IL16: variants seen among roughly 807,000 people sequenced by gnomAD.
IL16 encodes the protein pro-interleukin-16.
A neutral mutation model predicts 110.1 loss-of-function variants in IL16; 67 were observed. The observed-to-expected ratio is 0.61, with a 90% CI of 0.50 to 0.75. The LOEUF (loss-of-function observed/expected upper bound fraction) is 0.75. IL16 is among the 30% of genes least tolerant of loss of function. The pLI is 0.00. For missense variants in IL16, 1,545 were observed against 1,655.0 expected, an observed-to-expected ratio of 0.93 and a Z score of 1.15; for synonymous variants, 689 against 662.9, an observed-to-expected ratio of 1.04 and a Z score of -0.61.
At chr15:81,265,485 A>G (rs541498044) in intron 3 of IL16, among the ~76,000 whole-genome samples, 174 bp from the exon 4 acceptor site, 2 of 152,198 alleles carry the variant, frequency 1.3e-5, no homozygotes, top group East Asian at 3.9e-4. Flanking sequence ...GATCATGACA[A>G]TGCTGCTCAT....
At chr15:81,253,412 A>G (rs1897836789) in intron 2 of IL16, among the ~76,000 whole-genome samples, 1 of 152,010 alleles carries the variant, frequency 6.6e-6, no homozygotes, top group African/African-American at 2.4e-5. Context: ...TATTTTCTCC[A>G]TTTCTGTAGG....
At chr15:81,217,903 C>T (rs564200780) in intron 1 of IL16, among the ~76,000 whole-genome samples, 4 of 152,192 alleles carry the variant, frequency 2.6e-5, no homozygotes, top group East Asian at 3.9e-4. Flanking sequence ...AATTATGTCT[C>T]AATATATCGG....
chr15:81,251,832 A>T (rs1009925560), intron 2 of IL16, among the ~76,000 whole-genome samples: 1 of 152,212 alleles, frequency 6.6e-6, no homozygotes, highest in African/African-American at 2.4e-5. Context: ...GGAAAAAAAT[A>T]GCCAATTATT....
rs778708542 is a variant in IL16 at position 81,300,035 on chromosome 15, A to G, written c.2709A>G (p.Val903=). ...PTLVPQQPEQ[V]LSSGSPAASE... is the part of the protein sequence containing the mutation. ...TTGTGCCCCAGCAGCCTGAGCAAGTACTGTCCTCGGGGTCCCCTGCAGCCT... is the reference window on the plus strand; with the variant it reads ...TTGTGCCCCAGCAGCCTGAGCAAGTGCTGTCCTCGGGGTCCCCTGCAGCCT... The change falls in exon 14 of 19, where the codon GTA becomes GTG. Residue 903 remains valine (V), a synonymous_variant. Transcript: ENST00000683961. The G allele has an allele frequency of 6.4e-7, 1 of 1,572,882 alleles. No individual in the cohort carries two copies. Among genetic ancestry groups the G allele is most frequent in the Non-Finnish European group, 8.6e-7 (1 of 1,160,250 alleles).
chr15:81,220,923 T>C (rs1181752982), intron 1 of IL16, among the ~76,000 whole-genome samples: 1 of 152,214 alleles, frequency 6.6e-6, no homozygotes. Flanking sequence ...GAACTATCCA[T>C]TTCTTTTCAA....
In IL16 at chr15:81,303,015, ATG is replaced by A. The variant is rs34522610; in HGVS notation, c.3319-506_3319-505del. ...GTCTAGGCTAGGAAGTACCGTAGTA[ATG>A]TGTGTGTGTGTGTGTGTGTGTGTGT... On this transcript the variant is annotated intron_variant, in intron 15 of 18. Coordinates refer to ENST00000683961, the MANE Select transcript of IL16 (RefSeq NM_172217.5). The surrounding 1 kb of genome is among the most constrained non-coding windows in gnomAD (Gnocchi z 4.1). Among the ~76,000 whole-genome samples, 1,323 of 150,076 alleles carry A rather than the reference ATG, an allele frequency of 8.8e-3. 7 individuals carry two copies. Among genetic ancestry groups the A allele is most frequent in the Middle Eastern group, 0.027 (8 of 292 alleles).
chr15:81,253,455 A>T (rs1185620405), intron 2 of IL16, among the ~76,000 whole-genome samples: 3 of 152,066 alleles, frequency 2.0e-5, no homozygotes, highest in Non-Finnish European at 4.4e-5. Context: ...GTGTCCTTTG[A>T]GGCACAAAAG....
intron 1 of IL16, among the ~76,000 whole-genome samples, chr15:81,208,776 A>G (rs536561466): frequency 1.3e-5 from 2 of 152,326 alleles, no homozygotes; most frequent in East Asian, 1.9e-4. Flanking sequence ...CTGAAGGGCA[A>G]TATGGCACAG....
chr15:81,268,313 C>T (rs1394479069), intron 4 of IL16, among the ~76,000 whole-genome samples: 2 of 102,088 alleles, frequency 2.0e-5, no homozygotes, highest in Admixed American at 1.7e-4. Context: ...GCCTTCCAGG[C>T]ATGAGGCGAT....
At chr15:81,262,990 A>ACTTAG (rs1183646057) in intron 3 of IL16, among the ~76,000 whole-genome samples, 1 of 152,176 alleles carries the variant, frequency 6.6e-6, no homozygotes, top group African/African-American at 2.4e-5. Context: ...ATTTATTTTT[A>ACTTAG]CTTAGCTCTT....
chr15:81,247,070 CTTTTCCTTT>C (rs1455574671), intron 2 of IL16, among the ~76,000 whole-genome samples: 45 of 107,580 alleles, frequency 4.2e-4, no homozygotes, highest in Admixed American at 1.3e-3. Flanking sequence ...TCTTTCTTTT[CTTTTCCTTT>C]TTTTTTTTTT....
Position 81,282,584 on chromosome 15 carries a change from G to GC in IL16, c.1082-50dup. 3 of 1,305,524 alleles carry GC rather than the reference G, an allele frequency of 2.3e-6. No homozygotes were observed. In the South Asian group the frequency reaches 3.5e-5, roughly 15 times the overall value. The allele number at this position is 1,305,524 out of a possible 1,614,324, so 80.9% of individuals were successfully genotyped here. A position where few individuals can be genotyped will look rare whatever the true frequency, so the allele number is the denominator to read the frequency against. On this transcript the variant is annotated intron_variant, in intron 8 of 18. Transcript: ENST00000683961. ...TCTGTGGCACCCAATCGACGAGTAG[G>GC]CCCCCTGGGAAAGCTCAGTCCCGGT... is the stretch of plus-strand genomic sequence containing the variant.
At chr15:81,192,437 C>CA (rs961140334), upstream of IL16, among the ~76,000 whole-genome samples, 9 of 148,428 alleles carry the variant, frequency 6.1e-5, no homozygotes, top group South Asian at 2.2e-4. Flanking sequence ...CGTGTCTCTA[C>CA]AAAAAAAAAG....
chr15:81,294,061 C>T (rs77467933), intron 12 of IL16, among the ~76,000 whole-genome samples: 1 of 152,318 alleles, frequency 6.6e-6, no homozygotes, highest in South Asian at 2.1e-4. Context: ...TTAAGCACAC[C>T]GTGGGCAGGT....
At chr15:81,276,728 C>A (rs537566770) in intron 6 of IL16, among the ~76,000 whole-genome samples, 1 of 152,274 alleles carries the variant, frequency 6.6e-6, no homozygotes, top group East Asian at 1.9e-4. Context: ...AAACTAGTCC[C>A]AAACCAGTGA....
At chr15:81,245,520 G>A (rs931392072) in intron 2 of IL16, among the ~76,000 whole-genome samples, 3 of 152,150 alleles carry the variant, frequency 2.0e-5, no homozygotes, top group African/African-American at 4.8e-5. Context: ...GCTCTACTCA[G>A]CCTTCTCTGA....
chr15:81,193,753 A>G (rs1895535849), upstream of IL16, among the ~76,000 whole-genome samples: 1 of 152,134 alleles, frequency 6.6e-6, no homozygotes, highest in South Asian at 2.1e-4. Context: ...CACTTTTTGG[A>G]CATGTAACTT....
At chr15:81,277,665 T>A (rs1898974317) in intron 6 of IL16, among the ~76,000 whole-genome samples, 1 of 152,006 alleles carries the variant, frequency 6.6e-6, no homozygotes, top group Admixed American at 6.6e-5. Context: ...GGTGCCCCCA[T>A]CTCAGCCTCA....
rs779493166 is a variant in IL16, at chr15:81,300,256, C to T, written c.2930C>T (p.Thr977Met). The change falls in exon 14 of 19, where the codon ACG (threonine) becomes ATG (methionine). Residue 977 changes from threonine to methionine, a missense_variant. Physicochemically the swap from Thr to Met is moderately conservative, Grantham distance 81. Around this residue, in one of 3 missense-constraint regions of IL16, gnomAD observed 1,185 missense variants for 1,238.8 expected, o/e 0.96. Coordinates refer to ENST00000683961, the MANE Select transcript of IL16 (RefSeq NM_172217.5). ...CTGACCAGGTCCCAGTCCTGTGAGA[C>T]GAAGCTACTTGACGAAAAGACCAGC... ...FPLTRSQSCE[T>M]KLLDEKTSKL... 1.2e-5 allele frequency: 19 copies of T among 1,614,236 alleles called. 1 individual carries two copies. The highest frequency in any genetic ancestry group is 6.7e-5 in the African/African-American group (5 of 75,060).
Sources: gnomAD v4.1 joint callset for allele counts (sites outside exome capture counted in the v4.1 genomes callset) on GRCh38, gnomAD v4.1.1 for gene constraint, gnomAD v4.1.1 regional missense constraint, Gnocchi (gnomAD v3.1) non-coding constraint, MANE v1.5 for transcripts, NCBI Gene and HGNC (gene_info 2026-07-23, HGNC 2026-07-21) for gene names.